PTPN4: variants seen among roughly 807,000 people sequenced by gnomAD.
PTPN4 encodes the protein tyrosine-protein phosphatase non-receptor type 4.
PTPN4 carries 49 observed loss-of-function variants against 135.5 expected under a neutral mutation model. The ratio of observed to expected loss-of-function variants is 0.36; its 90% CI spans 0.29 to 0.46. The LOEUF (loss-of-function observed/expected upper bound fraction) is 0.46, where lower values mean the gene tolerates loss of function less well. PTPN4 is among the 20% of genes least tolerant of loss of function. The pLI, the probability that PTPN4 is intolerant of heterozygous loss-of-function variation, is 1.00. For missense variants in PTPN4, 860 were observed against 1,101.0 expected, an observed-to-expected ratio of 0.78 and a Z score of 3.10; for synonymous variants, 333 against 369.9, an observed-to-expected ratio of 0.90 and a Z score of 1.14.
At chr2:119,895,307 CAT>C (rs1246490469) in intron 9 of PTPN4, among the ~76,000 whole-genome samples, 9 of 152,100 alleles carry the variant, frequency 5.9e-5, no homozygotes, top group African/African-American at 2.4e-5. Context: ...GTACTGTTAA[CAT>C]GTGATAGTAG....
At chr2:119,778,951 C>T (rs1350174379) in intron 1 of PTPN4, among the ~76,000 whole-genome samples, 1 of 152,078 alleles carries the variant, frequency 6.6e-6, no homozygotes, top group Non-Finnish European at 1.5e-5. Flanking sequence ...AAATAAGAAG[C>T]TTCTTATTTA....
chr2:119,926,943 G>A (rs1314140242), intron 13 of PTPN4, among the ~76,000 whole-genome samples: 1 of 151,884 alleles, frequency 6.6e-6, no homozygotes, highest in Middle Eastern at 3.4e-3. Context: ...TCTGTTCGAG[G>A]TTGCTCCACT....
intron 3 of PTPN4, among the ~76,000 whole-genome samples, chr2:119,874,497 G>A (rs1221504692): frequency 6.6e-6 from 1 of 152,184 alleles, no homozygotes; most frequent in African/African-American, 2.4e-5. Context: ...AACCTTGTCT[G>A]TGAAAGCAGA....
At chr2:119,931,025 A>T (rs1390962107) in intron 13 of PTPN4, among the ~76,000 whole-genome samples, 1 of 152,146 alleles carries the variant, frequency 6.6e-6, no homozygotes, top group African/African-American at 2.4e-5. Context: ...CTTCATTTTT[A>T]AATTTTACTC....
In PTPN4 at chr2:119,984,335, G is replaced by T. The variant is rs868317837; in HGVS notation, c.*7265G>T. Reference sequence around the variant, plus strand: ...AACAGGTGCTATTTGTAAATATGAAGGGGAAAAGTCACTTAGTTAAAAGTC... The same window carrying T: ...AACAGGTGCTATTTGTAAATATGAATGGGAAAAGTCACTTAGTTAAAAGTC... On this transcript the variant is annotated 3_prime_UTR_variant, in exon 27 of 27. Coordinates refer to ENST00000263708, the MANE Select transcript of PTPN4 (RefSeq NM_002830.4). Among the ~76,000 whole-genome samples the T allele has an allele frequency of 6.6e-6, 1 of 151,860 alleles. No homozygotes were observed. Among genetic ancestry groups the T allele is most frequent in the Non-Finnish European group, 1.5e-5 (1 of 67,984 alleles).
At chr2:119,960,657 TAAG>T in intron 22 of PTPN4, 147 bp from the exon 23 acceptor site, 1 of 605,578 alleles carries the variant, frequency 1.7e-6, no homozygotes, top group East Asian at 3.3e-5. Flanking sequence ...ACAGATAAAA[TAAG>T]AAATTGTTAA....
At chr2:119,880,554 C>T (rs1325795023) in intron 5 of PTPN4, among the ~76,000 whole-genome samples, 2 of 151,642 alleles carry the variant, frequency 1.3e-5, no homozygotes, top group African/African-American at 2.4e-5. Context: ...CTTGGCCTCC[C>T]GAGTAGCTGG....
intron 2 of PTPN4, among the ~76,000 whole-genome samples, chr2:119,827,175 A>C (rs1476705752): frequency 6.6e-6 from 1 of 152,196 alleles, no homozygotes; most frequent in East Asian, 1.9e-4. Context: ...CGTTGTGAGA[A>C]TACTTGAAGG....
chr2:119,828,130 C>A (rs528173212), intron 2 of PTPN4, among the ~76,000 whole-genome samples: 20 of 152,338 alleles, frequency 1.3e-4, no homozygotes, highest in African/African-American at 4.6e-4. Flanking sequence ...GAGATGTTCT[C>A]ACCATATGGA....
In PTPN4 at chr2:119,955,651, A is replaced by G. The variant is rs140459922; in HGVS notation, c.1980+328A>G. On this transcript the variant is annotated intron_variant, in intron 20 of 26. Transcript: ENST00000263708. Reference sequence around the variant, plus strand: ...GGCTATTATATACTTTAAAATCCTGAGCTTGGCCAGGTGTGGTGGCTCACG... The same window carrying G: ...GGCTATTATATACTTTAAAATCCTGGGCTTGGCCAGGTGTGGTGGCTCACG... Among the ~76,000 whole-genome samples the G allele has an allele frequency of 1.1e-3, 160 of 152,238 alleles. No individual in the cohort carries two copies. In the East Asian group the frequency reaches 0.029, roughly 28 times the overall value.
intron 3 of PTPN4, among the ~76,000 whole-genome samples, chr2:119,865,823 C>T (rs1442684909): frequency 1.3e-5 from 2 of 152,030 alleles, no homozygotes; most frequent in Non-Finnish European, 1.5e-5. Context: ...TTGCCTTAGA[C>T]ATTGAAATTA....
chr2:119,969,552 CTTTTTTTTTTTTT>C (rs35531556), intron 26 of PTPN4, among the ~76,000 whole-genome samples: 39,019 of 115,716 alleles, frequency 0.34, 5,721 homozygotes, highest in South Asian at 0.42. Flanking sequence ...TAATCAATTT[CTTTTTTTTTTTTT>C]TTTTTTTTTT....
chr2:119,971,323 G>T (rs946551439), intron 26 of PTPN4, among the ~76,000 whole-genome samples: 1 of 152,122 alleles, frequency 6.6e-6, no homozygotes, highest in Non-Finnish European at 1.5e-5. Context: ...GGGGAGGTCT[G>T]CCCCCATTAT....
chr2:119,917,506 G>A (rs1207325653), intron 11 of PTPN4, among the ~76,000 whole-genome samples: 1 of 152,132 alleles, frequency 6.6e-6, no homozygotes, highest in Non-Finnish European at 1.5e-5. Flanking sequence ...GGCTGAGGTG[G>A]GTGGATTGCT....
At chr2:119,914,947 AC>A (rs1211717199) in intron 10 of PTPN4, among the ~76,000 whole-genome samples, 1 of 152,156 alleles carries the variant, frequency 6.6e-6, no homozygotes, top group African/African-American at 2.4e-5. Context: ...TTAATTTGTG[AC>A]ATCTGTTTTT....
intron 15 of PTPN4, among the ~76,000 whole-genome samples, chr2:119,940,048 T>C (rs1679039138): frequency 6.6e-6 from 1 of 152,166 alleles, no homozygotes; most frequent in South Asian, 2.1e-4. Context: ...CTCTGTCACT[T>C]GCACTTGGGA....
intron 2 of PTPN4, among the ~76,000 whole-genome samples, chr2:119,833,448 T>A (rs1219011355): frequency 6.6e-6 from 1 of 152,180 alleles, no homozygotes; most frequent in Non-Finnish European, 1.5e-5. Flanking sequence ...CAAATCCTTT[T>A]GTATCTTTAA....
At chr2:119,814,957 A>G (rs1350771625) in intron 2 of PTPN4, among the ~76,000 whole-genome samples, 18 of 152,154 alleles carry the variant, frequency 1.2e-4, no homozygotes, top group Non-Finnish European at 5.9e-5. Flanking sequence ...TTTCTAGGCT[A>G]TAATCATATT....
chr2:119,951,503 G>T (rs751199406), intron 18 of PTPN4, among the ~76,000 whole-genome samples: 1 of 152,218 alleles, frequency 6.6e-6, no homozygotes, highest in African/African-American at 2.4e-5. Context: ...GACTTTGGAA[G>T]AACTGATGTG....
Sources: gnomAD v4.1 joint callset for allele counts (sites outside exome capture counted in the v4.1 genomes callset) on GRCh38, gnomAD v4.1.1 for gene constraint, MANE v1.5 for transcripts, NCBI Gene and HGNC (gene_info 2026-07-23, HGNC 2026-07-21) for gene names.